The following VPS13B variants were observed in gnomAD, a reference collection of about 807,000 sequenced individuals.
VPS13B encodes the protein vacuolar protein sorting 13 homolog B.
Under a neutral mutation model 426.4 loss-of-function variants are expected in VPS13B, and 285 were observed. The observed-to-expected ratio is 0.67, with a 90% CI of 0.61 to 0.74. VPS13B has a LOEUF of 0.74. Among genes scored for constraint, VPS13B ranks in the 30% least tolerant of loss-of-function variants. The pLI, the probability that VPS13B is intolerant of heterozygous loss-of-function variation, is 0.00. For missense variants in VPS13B, 4,537 were observed against 4,782.6 expected (o/e 0.95, Z 1.51); for synonymous variants, 1,676 against 1,676.4 (o/e 1.00, Z 0.01).
chr8:99,875,631 G>C lies in VPS13B; in HGVS notation c.11959G>C (p.Val3987Leu), dbSNP rs760214378. 1 of 1,614,164 alleles carries C rather than the reference G, an allele frequency of 6.2e-7. No homozygotes were observed. Among genetic ancestry groups the C allele is most frequent in the Non-Finnish European group, 8.5e-7 (1 of 1,180,032 alleles). The change falls in exon 62 of 62, where the codon GTG becomes CTG. Residue 3987 changes from valine to leucine, a missense_variant. By Grantham distance (32) the Val-to-Leu change is conservative. Transcript: ENST00000357162. ...AQVFLSKFTM[V>L]KNKALRKGFP Reference sequence around the variant, plus strand: ...GGTCTTCCTTAGTAAATTTACCATGGTGAAAAATAAAGCCCTGAGGAAAGG... The same window carrying C: ...GGTCTTCCTTAGTAAATTTACCATGCTGAAAAATAAAGCCCTGAGGAAAGG...
At chr8:99,725,321 C>T (rs895428101) in intron 39 of VPS13B, among the ~76,000 whole-genome samples, 1 of 152,156 alleles carries the variant, frequency 6.6e-6, no homozygotes, top group African/African-American at 2.4e-5. Flanking sequence ...CCAGGCCACA[C>T]AGCAGAAGGT....
At chr8:99,649,707 G>GA (rs1173648362) in intron 34 of VPS13B, among the ~76,000 whole-genome samples, 2 of 149,434 alleles carry the variant, frequency 1.3e-5, no homozygotes, top group African/African-American at 4.9e-5. Context: ...AGGAGAGAGA[G>GA]AAAAAAAAAG....
chr8:99,064,623 T>C (rs1251964789), intron 3 of VPS13B, among the ~76,000 whole-genome samples: 1 of 152,198 alleles, frequency 6.6e-6, no homozygotes, highest in Non-Finnish European at 1.5e-5. Flanking sequence ...AAACCAAATC[T>C]GCTTTTGATT....
chr8:99,110,685 TTTAATA>T (rs1483177806), intron 5 of VPS13B, among the ~76,000 whole-genome samples: 1 of 151,952 alleles, frequency 6.6e-6, no homozygotes, highest in Non-Finnish European at 1.5e-5. Context: ...GTGAGTTTTT[TTTAATA>T]TAAAATGAAT....
At chr8:99,130,685 A>C (rs1017139129) in intron 8 of VPS13B, among the ~76,000 whole-genome samples, 105 of 152,174 alleles carry the variant, frequency 6.9e-4, no homozygotes, top group African/African-American at 2.4e-3. Context: ...CCACCGCATG[A>C]GTCCTTTTAA....
chr8:99,767,842 T>A (rs1811302797), intron 40 of VPS13B, among the ~76,000 whole-genome samples: 1 of 152,148 alleles, frequency 6.6e-6, no homozygotes, highest in Non-Finnish European at 1.5e-5. Context: ...GGGGAGAGGA[T>A]CCCTTGAGCC....
intron 17 of VPS13B, among the ~76,000 whole-genome samples, chr8:99,211,005 G>C (rs1488053943): frequency 6.6e-6 from 1 of 152,164 alleles, no homozygotes; most frequent in Non-Finnish European, 1.5e-5. Context: ...AAATGACTGA[G>C]ACGCAGGAGG....
At chr8:99,276,897 G>A (rs531552894) in intron 19 of VPS13B, among the ~76,000 whole-genome samples, 1 of 152,042 alleles carries the variant, frequency 6.6e-6, no homozygotes, top group Non-Finnish European at 1.5e-5. Flanking sequence ...TTGTTCTTGA[G>A]TTGGACAGGA....
chr8:99,306,164 C>A (rs890377984), intron 19 of VPS13B, among the ~76,000 whole-genome samples: 1 of 152,020 alleles, frequency 6.6e-6, no homozygotes, highest in African/African-American at 2.4e-5. Context: ...GGCATGAAGA[C>A]AAGGACCTGT....
In VPS13B at chr8:99,352,004, A is replaced by C. The variant is rs150232585; in HGVS notation, c.2825-32204A>C. Among the ~76,000 whole-genome samples the C allele has an allele frequency of 3.5e-3, 532 of 152,332 alleles. 5 individuals are homozygous for C. Among genetic ancestry groups the C allele is most frequent in the African/African-American group, 0.012 (509 of 41,584 alleles). On this transcript the variant is annotated intron_variant, in intron 19 of 61. Coordinates refer to ENST00000357162, the MANE Select transcript of VPS13B (RefSeq NM_152564.5). ...CGGGAGTCTGGAAGAGAGAATTCTC[A>C]GTTTATCTTCATAAAGGTGCTTGGC...
chr8:99,052,784 A>T (rs1196031256), intron 3 of VPS13B, among the ~76,000 whole-genome samples: 3 of 152,204 alleles, frequency 2.0e-5, no homozygotes, highest in Admixed American at 2.0e-4. Context: ...CGAAGAATTT[A>T]TCCATTTCTT....
chr8:99,748,845 G>A (rs1320225758), intron 39 of VPS13B, among the ~76,000 whole-genome samples: 1 of 151,996 alleles, frequency 6.6e-6, no homozygotes, highest in Non-Finnish European at 1.5e-5. Flanking sequence ...TTTGGGAAGA[G>A]CAAAGCACAG....
intron 47 of VPS13B, 96 bp downstream of exon 47, chr8:99,818,984 T>C (rs1237036087): frequency 2.2e-6 from 1 of 458,530 alleles, no homozygotes; most frequent in Non-Finnish European, 4.3e-6. Context: ...GAGGGGTGGG[T>C]AGGGAGATGG....
At chr8:99,391,502 T>C (rs1814446346) in intron 20 of VPS13B, 55 bp from the exon 21 acceptor site, 1 of 1,612,972 alleles carries the variant, frequency 6.2e-7, no homozygotes, top group Admixed American at 1.7e-5. Context: ...CTTTGCTGCT[T>C]AAGAAATAGT....
intron 7 of VPS13B, among the ~76,000 whole-genome samples, chr8:99,119,706 G>A (rs1290944410): frequency 1.3e-5 from 2 of 152,160 alleles, no homozygotes; most frequent in African/African-American, 2.4e-5. Flanking sequence ...AATGTAGAAT[G>A]TTCCAAGAGT....
Position 99,758,099 on chromosome 8 carries a change from A to C in VPS13B, c.7051-8675A>C, listed in dbSNP as rs369048831. Among the ~76,000 whole-genome samples, 58 of 152,346 alleles carry C rather than the reference A, an allele frequency of 3.8e-4. 1 individual carries two copies. The South Asian group carries it at 0.012, about 30-fold the overall frequency. On this transcript the variant is annotated intron_variant, in intron 39 of 61. Transcript: ENST00000357162. ...CAAATCCTTAGTTATAGATATTGTA[A>C]CTAAAGATCATTCACGTCATCTCTT...
At chr8:99,427,786 C>A (rs1816810517) in intron 21 of VPS13B, among the ~76,000 whole-genome samples, 1 of 151,876 alleles carries the variant, frequency 6.6e-6, no homozygotes, top group Non-Finnish European at 1.5e-5. Context: ...GAAAAAACTA[C>A]TTTAAAGTTC....
intron 30 of VPS13B, among the ~76,000 whole-genome samples, chr8:99,540,032 TATATATATATATATATATATATATATATA>T (rs1563784868): frequency 8.7e-3 from 17 of 1,954 alleles, no homozygotes; most frequent in African/African-American, 0.018. Context: ...TATATATATA[TATATATATATATATATATATATATATATA>T]TATTTTTTTT....
At chr8:99,499,148 C>T (rs949890388) in intron 25 of VPS13B, among the ~76,000 whole-genome samples, 3 of 152,112 alleles carry the variant, frequency 2.0e-5, no homozygotes, top group Admixed American at 1.3e-4. Context: ...TATTTTAGAA[C>T]TTGGCCTAAG....
Sources: allele counts gnomAD v4.1 joint callset (sites outside exome capture counted in the v4.1 genomes callset), GRCh38; gene constraint gnomAD v4.1.1; transcripts MANE v1.5; gene names NCBI Gene and HGNC (gene_info 2026-07-23, HGNC 2026-07-21).